RIMS2: variants seen among roughly 807,000 people sequenced by gnomAD.
RIMS2 encodes regulating synaptic membrane exocytosis protein 2.
Under a neutral mutation model 174.4 loss-of-function variants are expected in RIMS2, and 59 were observed. The ratio of observed to expected loss-of-function variants is 0.34; its 90% CI spans 0.27 to 0.42. The LOEUF (loss-of-function observed/expected upper bound fraction) is 0.42, where lower values mean the gene tolerates loss of function less well. Among genes scored for constraint, RIMS2 ranks in the 10% least tolerant of loss-of-function variants. The pLI is 1.00. For missense variants in RIMS2, 1,620 were observed against 1,666.3 expected, an observed-to-expected ratio of 0.97 and a Z score of 0.48; for synonymous variants, 606 against 572.5, an observed-to-expected ratio of 1.06 and a Z score of -0.84.
chr8:103,717,195 T>G (rs955697869), intron 2 of RIMS2, among the ~76,000 whole-genome samples: 1 of 145,964 alleles, frequency 6.9e-6, no homozygotes, highest in Non-Finnish European at 1.5e-5. Flanking sequence ...CCTCTCCAAG[T>G]CTTTAGTTAC....
chr8:104,242,866 G>A (rs1465012009), intron 19 of RIMS2, among the ~76,000 whole-genome samples: 9 of 152,128 alleles, frequency 5.9e-5, no homozygotes, highest in Admixed American at 5.2e-4. Flanking sequence ...TGGCAGCCTG[G>A]TCTCCCAGTG....
intron 2 of RIMS2, among the ~76,000 whole-genome samples, chr8:103,749,762 T>C (rs1387761931): frequency 6.6e-6 from 1 of 152,122 alleles, no homozygotes; most frequent in Non-Finnish European, 1.5e-5. Context: ...TGTGAAGTAG[T>C]GGGAATAAAG....
chr8:103,681,949 G>T (rs73289977), intron 1 of RIMS2, among the ~76,000 whole-genome samples: 1 of 151,986 alleles, frequency 6.6e-6, no homozygotes, highest in Non-Finnish European at 1.5e-5. Context: ...AGCACATGTA[G>T]GATGTAAAAT....
intron 15 of RIMS2, among the ~76,000 whole-genome samples, chr8:103,966,996 A>G (rs1310661607): frequency 2.0e-5 from 3 of 151,730 alleles, no homozygotes; most frequent in African/African-American, 7.3e-5. Context: ...GGTGTGTTTT[A>G]TGGCCCAGAA....
intron 1 of RIMS2, among the ~76,000 whole-genome samples, chr8:103,690,902 T>C (rs1400295908): frequency 6.6e-6 from 1 of 152,238 alleles, no homozygotes; most frequent in Non-Finnish European, 1.5e-5. Flanking sequence ...GTTGATGAAA[T>C]CCCTCAGCTT....
chr8:103,632,290 G>T (rs1196989750), intron 1 of RIMS2, among the ~76,000 whole-genome samples: 2 of 152,138 alleles, frequency 1.3e-5, no homozygotes, highest in African/African-American at 2.4e-5. Context: ...TTATTTTAAG[G>T]TGTGCTCCTT....
intron 3 of RIMS2, among the ~76,000 whole-genome samples, chr8:103,767,188 CTTTCT>C (rs1180921559): frequency 8.1e-5 from 8 of 98,454 alleles, no homozygotes; most frequent in Admixed American, 1.3e-4. Context: ...GATTCTTTTT[CTTTCT>C]TTTTTTTTTT....
intron 1 of RIMS2, among the ~76,000 whole-genome samples, chr8:103,585,455 T>C (rs1369943070): frequency 2.6e-5 from 4 of 152,132 alleles, no homozygotes; most frequent in African/African-American, 4.8e-5. Context: ...CGGCACTATT[T>C]ACAATAGCAA....
At chr8:103,552,859 T>C (rs1052466184) in intron 1 of RIMS2, among the ~76,000 whole-genome samples, 2 of 152,196 alleles carry the variant, frequency 1.3e-5, no homozygotes, top group African/African-American at 4.8e-5. Context: ...TCATCATTAC[T>C]GGCCATCAGA....
intron 2 of RIMS2, among the ~76,000 whole-genome samples, chr8:103,750,331 C>G (rs1272601994): frequency 6.6e-6 from 1 of 152,034 alleles, no homozygotes; most frequent in Admixed American, 6.5e-5. Context: ...AAAGATTAAA[C>G]AAGACATAAA....
chr8:103,947,084 T>C (rs1346690775), intron 14 of RIMS2, among the ~76,000 whole-genome samples: 1 of 152,132 alleles, frequency 6.6e-6, no homozygotes, highest in African/African-American at 2.4e-5. Flanking sequence ...GACCTCACAC[T>C]ATACACAAAA....
chr8:103,782,421 A>T (rs966488315), intron 3 of RIMS2, among the ~76,000 whole-genome samples: 2 of 147,490 alleles, frequency 1.4e-5, no homozygotes, highest in African/African-American at 5.1e-5. Flanking sequence ...TGCTATCATG[A>T]TACATAAATC....
intron 1 of RIMS2, among the ~76,000 whole-genome samples, chr8:103,667,374 A>G (rs1183045025): frequency 6.6e-6 from 1 of 152,184 alleles, no homozygotes; most frequent in East Asian, 1.9e-4. Flanking sequence ...TAAGGAATAA[A>G]TTTTTAATCA....
chr8:104,219,938 AG>A (rs762976206), intron 19 of RIMS2, among the ~76,000 whole-genome samples: 22 of 152,208 alleles, frequency 1.4e-4, no homozygotes, highest in Non-Finnish European at 2.1e-4. Context: ...GACAGTACTT[AG>A]AATGGAATTA....
chr8:103,815,668 A>G (rs940586403), intron 3 of RIMS2, among the ~76,000 whole-genome samples: 6 of 152,206 alleles, frequency 3.9e-5, no homozygotes, highest in Admixed American at 3.9e-4. Flanking sequence ...ATCAGCACTA[A>G]CAGATAGAAG....
intron 19 of RIMS2, chr8:104,223,847 G>T (rs952325378): frequency 6.8e-7 from 1 of 1,479,414 alleles, no homozygotes; most frequent in African/African-American, 1.4e-5. Flanking sequence ...GAAAGTCGGT[G>T]GCTGGAGGGT....
At chr8:104,044,459 A>G (rs2096659850) in intron 19 of RIMS2, among the ~76,000 whole-genome samples, 1 of 151,424 alleles carries the variant, frequency 6.6e-6, no homozygotes, top group Non-Finnish European at 1.5e-5. Flanking sequence ...GGCAGAGGAA[A>G]AGGACTTGGT....
intron 19 of RIMS2, among the ~76,000 whole-genome samples, chr8:104,136,200 G>T (rs750897531): frequency 4.6e-5 from 7 of 152,034 alleles, no homozygotes; most frequent in Non-Finnish European, 1.0e-4. Context: ...CCCATTTATT[G>T]TCTATCTTAT....
intron 1 of RIMS2, among the ~76,000 whole-genome samples, chr8:103,683,240 G>T (rs2096901033): frequency 6.6e-6 from 1 of 152,218 alleles, no homozygotes; most frequent in Non-Finnish European, 1.5e-5. Context: ...TTGGCTTCTG[G>T]TGAGGACTTT....
Sources: gnomAD v4.1 joint callset for allele counts (sites outside exome capture counted in the v4.1 genomes callset) on GRCh38, gnomAD v4.1.1 for gene constraint, MANE v1.5 for transcripts, NCBI Gene and HGNC (gene_info 2026-07-23, HGNC 2026-07-21) for gene names.